The following PDE5A variants were observed in gnomAD, a reference collection of about 807,000 sequenced individuals.
The protein encoded by PDE5A is phosphodiesterase 5A.
A neutral mutation model predicts 110.2 loss-of-function variants in PDE5A; 67 were observed. That is an observed-to-expected ratio of 0.61 (90% CI 0.50 to 0.75). The LOEUF is 0.75. PDE5A is among the 30% of genes least tolerant of loss of function. The pLI, the probability that PDE5A is intolerant of heterozygous loss-of-function variation, is 0.00. For synonymous variants in PDE5A, 328 were observed against 351.2 expected (o/e 0.93, Z 0.74); for missense variants, 862 against 1,045.1 (o/e 0.82, Z 2.42).
At chr4:119,518,203 T>C (rs1046932091) in intron 14 of PDE5A, among the ~76,000 whole-genome samples, 1 of 152,248 alleles carries the variant, frequency 6.6e-6, no homozygotes, top group Non-Finnish European at 1.5e-5. Flanking sequence ...TGCCCATTAG[T>C]TGAATCACTT....
intron 11 of PDE5A, among the ~76,000 whole-genome samples, chr4:119,538,236 T>C (rs60986687): frequency 6.6e-6 from 1 of 152,258 alleles, no homozygotes; most frequent in African/African-American, 2.4e-5. Flanking sequence ...GTTTAGCATG[T>C]GGCAAACTAT....
chr4:119,550,083 CA>C (rs1347020118), intron 9 of PDE5A: 5 of 152,188 alleles, frequency 3.3e-5, no homozygotes, highest in African/African-American at 1.2e-4. Context: ...ACTGTAGGTA[CA>C]TAAGTATAGT....
chr4:119,537,528 T>C (rs903016034), intron 11 of PDE5A, among the ~76,000 whole-genome samples: 2 of 152,088 alleles, frequency 1.3e-5, no homozygotes, highest in East Asian at 1.9e-4. Context: ...ACCACTTCTC[T>C]ACCTTCTTGG....
chr4:119,594,605 A>G (rs1729091931), intron 3 of PDE5A, among the ~76,000 whole-genome samples: 1 of 152,242 alleles, frequency 6.6e-6, no homozygotes, highest in Non-Finnish European at 1.5e-5. Flanking sequence ...TTAATAACAC[A>G]ATAATGATCA....
chr4:119,565,465 T>G, intron 4 of PDE5A, 55 bp from the exon 5 acceptor site: 1 of 1,106,284 alleles, frequency 9.0e-7, no homozygotes. Flanking sequence ...TCTAGTTACA[T>G]TGCCTGAAAT....
Position 119,496,657 on chromosome 4 carries a change from T to C in PDE5A, c.*1944A>G, listed in dbSNP as rs200305768. 2.6e-5 allele frequency: 4 copies of C among 152,572 alleles called. No individual in the cohort carries two copies. Among genetic ancestry groups the C allele is most frequent in the African/African-American group, 9.7e-5 (4 of 41,446 alleles). 9.5% of individuals were successfully genotyped at this position (152,572 alleles called of 1,614,324 possible). A position where few individuals can be genotyped will look rare whatever the true frequency, so the allele number is the denominator to read the frequency against. ...AATCACAATGTAATAAAAAGGTTTA[T>C]TAAAGATTGCTATTCTTTATGCAAT... is the stretch of plus-strand genomic sequence containing the variant. On this transcript the variant is annotated 3_prime_UTR_variant, in exon 21 of 21. Transcript: ENST00000354960.
intron 18 of PDE5A, 146 bp downstream of exon 18, chr4:119,504,390 T>C (rs1293274700): frequency 5.1e-6 from 3 of 586,030 alleles, no homozygotes; most frequent in Admixed American, 6.5e-5. Context: ...TTTGCTATTA[T>C]ATAATAAATG....
intron 11 of PDE5A, among the ~76,000 whole-genome samples, chr4:119,536,259 C>T (rs570050515): frequency 2.2e-4 from 34 of 152,140 alleles, no homozygotes; most frequent in African/African-American, 7.9e-4. Flanking sequence ...GAAAAACAAA[C>T]TTGAATATCA....
chr4:119,592,794 T>G (rs1729025375), intron 3 of PDE5A, among the ~76,000 whole-genome samples: 1 of 152,140 alleles, frequency 6.6e-6, no homozygotes, highest in Admixed American at 6.5e-5. Context: ...CATGAAATGC[T>G]TAGTGTAAGA....
rs747276351 is a variant in PDE5A, at chr4:119,628,734, C to T, written c.-63G>A. Reference sequence around the variant, plus strand: ...CTTTTCCACCCCAGCTGGGGTCCGTCCCTCAGAAGAACAGGACTCGGCCTC... The same window carrying T: ...CTTTTCCACCCCAGCTGGGGTCCGTTCCTCAGAAGAACAGGACTCGGCCTC... On this transcript the variant is annotated 5_prime_UTR_variant, in exon 1 of 21. Coordinates refer to ENST00000354960, the MANE Select transcript of PDE5A (RefSeq NM_001083.4). The T allele has an allele frequency of 4.4e-6, 7 of 1,590,692 alleles. No individual in the cohort carries two copies. Among genetic ancestry groups the T allele is most frequent in the Non-Finnish European group, 5.1e-6 (6 of 1,173,834 alleles).
chr4:119,586,447 C>T (rs888581092), intron 3 of PDE5A, among the ~76,000 whole-genome samples: 2 of 152,138 alleles, frequency 1.3e-5, no homozygotes, highest in Non-Finnish European at 2.9e-5. Flanking sequence ...GTATTTAACA[C>T]TTGATAAAGC....
chr4:119,587,654 G>T (rs1477698754), intron 3 of PDE5A, among the ~76,000 whole-genome samples: 1 of 152,188 alleles, frequency 6.6e-6, no homozygotes, highest in Non-Finnish European at 1.5e-5. Context: ...CAAGTGCTGG[G>T]ATTACAGGTG....
At chr4:119,580,439 T>C (rs779934513) in intron 3 of PDE5A, among the ~76,000 whole-genome samples, 3 of 152,178 alleles carry the variant, frequency 2.0e-5, no homozygotes, top group Non-Finnish European at 4.4e-5. Flanking sequence ...GAAAACAGCC[T>C]GCTGTCTTTC....
chr4:119,526,515 T>G (rs1726325125), intron 11 of PDE5A, among the ~76,000 whole-genome samples: 1 of 152,150 alleles, frequency 6.6e-6, no homozygotes, highest in Non-Finnish European at 1.5e-5. Context: ...TGTCAGCACT[T>G]TGTTAACTGT....
At chr4:119,616,742 A>T (rs1402594871) in intron 1 of PDE5A, among the ~76,000 whole-genome samples, 3 of 732 alleles carry the variant, frequency 4.1e-3, no homozygotes, top group Non-Finnish European at 0.014. Context: ...CGTGAATGAT[A>T]AAAAAAAAAA....
At chr4:119,506,636 T>C (rs969876486) in intron 16 of PDE5A, among the ~76,000 whole-genome samples, 1 of 151,914 alleles carries the variant, frequency 6.6e-6, no homozygotes, top group Non-Finnish European at 1.5e-5. Context: ...ATGTGGCCTG[T>C]AAAGCTTAGA....
chr4:119,511,025 C>A, intron 15 of PDE5A, 22 bp downstream of exon 15: 3 of 1,311,158 alleles, frequency 2.3e-6, no homozygotes, highest in South Asian at 1.4e-5. Flanking sequence ...TAAAATTCCA[C>A]AACAATAAAT....
At chr4:119,584,955 G>T (rs1184775363) in intron 3 of PDE5A, among the ~76,000 whole-genome samples, 3 of 152,174 alleles carry the variant, frequency 2.0e-5, no homozygotes, top group Non-Finnish European at 4.4e-5. Context: ...ATCTTATGTA[G>T]AACTGTTAGT....
chr4:119,581,951 G>A (rs1478609395), intron 3 of PDE5A, among the ~76,000 whole-genome samples: 2 of 152,216 alleles, frequency 1.3e-5, no homozygotes, highest in African/African-American at 4.8e-5. Context: ...TTTTGCTGGT[G>A]AAGGGTCTTA....
Sources: gnomAD v4.1 joint callset for allele counts (sites outside exome capture counted in the v4.1 genomes callset) on GRCh38, gnomAD v4.1.1 for gene constraint, MANE v1.5 for transcripts, NCBI Gene and HGNC (gene_info 2026-07-23, HGNC 2026-07-21) for gene names.